The following DNAAF4 variants were observed in gnomAD, a reference collection of about 807,000 sequenced individuals.
The protein encoded by DNAAF4 is dynein axonemal assembly factor 4, also known as dynein assembly factor 4, axonemal.
DNAAF4 carries 43 observed loss-of-function variants against 51.8 expected under a neutral mutation model. The observed-to-expected ratio is 0.83, with a 90% CI of 0.65 to 1.07. DNAAF4 has a LOEUF of 1.07. DNAAF4 is among the 50% of genes least tolerant of loss of function. The pLI is 0.00. For missense variants in DNAAF4, 581 were observed against 493.0 expected, an observed-to-expected ratio of 1.18 and a Z score of -1.69; for synonymous variants, 194 against 165.6, an observed-to-expected ratio of 1.17 and a Z score of -1.32.
At chr15:55,435,081 G>C in intron 7 of DNAAF4, 23 bp from the exon 8 acceptor site, 4 of 1,562,544 alleles carry the variant, frequency 2.6e-6, no homozygotes, top group Non-Finnish European at 3.4e-6. Context: ...AAACAGAGAA[G>C]AAAAACAATT....
At chr15:55,503,922 C>G (rs2058712897) in intron 1 of DNAAF4, among the ~76,000 whole-genome samples, 3 of 152,176 alleles carry the variant, frequency 2.0e-5, no homozygotes, top group East Asian at 3.9e-4. Flanking sequence ...AAGTTCTGGC[C>G]AGGGCAATCA....
At chr15:55,457,207 C>T (rs907792551) in intron 5 of DNAAF4, among the ~76,000 whole-genome samples, 1 of 152,114 alleles carries the variant, frequency 6.6e-6, no homozygotes, top group Non-Finnish European at 1.5e-5. Context: ...AAACGCAGTG[C>T]GGTTGGGGTG....
At chr15:55,484,565 T>A (rs1173574864) in intron 4 of DNAAF4, among the ~76,000 whole-genome samples, 1 of 152,068 alleles carries the variant, frequency 6.6e-6, no homozygotes, top group Non-Finnish European at 1.5e-5. Context: ...CCAAAACAAT[T>A]GAAAGCAAGA....
chr15:55,422,582 G>C (rs1355224178), intron 7 of DNAAF4, among the ~76,000 whole-genome samples: 1 of 152,170 alleles, frequency 6.6e-6, no homozygotes, highest in Admixed American at 6.5e-5. Context: ...TGGAAGCCCA[G>C]CTTGTTTCAA....
At chr15:55,442,307 C>A (rs892071778) in intron 6 of DNAAF4, among the ~76,000 whole-genome samples, 1 of 152,072 alleles carries the variant, frequency 6.6e-6, no homozygotes, top group East Asian at 1.9e-4. Context: ...TTAGTAGAGA[C>A]GGGGTTTCAT....
At chr15:55,437,527 C>T (rs947988229) in intron 7 of DNAAF4, among the ~76,000 whole-genome samples, 2 of 151,506 alleles carry the variant, frequency 1.3e-5, no homozygotes, top group Non-Finnish European at 2.9e-5. Context: ...AAAAGATGTC[C>T]ATATTCTAAT....
intron 5 of DNAAF4, among the ~76,000 whole-genome samples, chr15:55,455,497 T>C (rs557438100): frequency 5.9e-5 from 9 of 151,610 alleles, no homozygotes; most frequent in Non-Finnish European, 1.3e-4. Context: ...AGTGGCGCGA[T>C]CTTGGCTCAC....
intron 9 of DNAAF4, 37 bp downstream of exon 9, chr15:55,432,460 T>C: frequency 2.0e-6 from 3 of 1,533,856 alleles, no homozygotes; most frequent in Non-Finnish European, 2.7e-6. Flanking sequence ...TTTCAGAGTA[T>C]AACTTGGGAC....
At chr15:55,454,725 G>C (rs1021540204) in intron 5 of DNAAF4, among the ~76,000 whole-genome samples, 2 of 152,088 alleles carry the variant, frequency 1.3e-5, no homozygotes, top group Admixed American at 1.3e-4. Flanking sequence ...GAAATTCCCA[G>C]AATTGATGAA....
intron 1 of DNAAF4, among the ~76,000 whole-genome samples, chr15:55,502,490 T>C (rs112634370): frequency 6.6e-6 from 1 of 152,328 alleles, no homozygotes; most frequent in African/African-American, 2.4e-5. Flanking sequence ...CCATTCTTCA[T>C]GTCCTTAAGA....
intron 4 of DNAAF4, among the ~76,000 whole-genome samples, chr15:55,487,383 C>A (rs912409301): frequency 6.6e-6 from 1 of 151,918 alleles, no homozygotes; most frequent in Non-Finnish European, 1.5e-5. Context: ...CCAATCAGCA[C>A]TCTGTAAAAT....
intron 5 of DNAAF4, among the ~76,000 whole-genome samples, chr15:55,458,492 G>C (rs2058051216): frequency 6.6e-6 from 1 of 151,702 alleles, no homozygotes; most frequent in African/African-American, 2.4e-5. Flanking sequence ...CAAAGACAAA[G>C]AAAAAAAGAA....
chr15:55,427,879 C>T (rs1309413681), downstream of DNAAF4, among the ~76,000 whole-genome samples: 2 of 151,836 alleles, frequency 1.3e-5, no homozygotes, highest in Non-Finnish European at 2.9e-5. Flanking sequence ...AGGTGATCCA[C>T]CCGCCTCGGC....
intron 4 of DNAAF4, among the ~76,000 whole-genome samples, chr15:55,475,687 T>C (rs1460507135): frequency 1.3e-5 from 2 of 152,220 alleles, no homozygotes; most frequent in African/African-American, 4.8e-5. Flanking sequence ...TTTCAGATTT[T>C]GTATTTTTTG....
intron 4 of DNAAF4, among the ~76,000 whole-genome samples, chr15:55,473,299 A>ATATATATATG (rs1567023519): frequency 8.1e-5 from 5 of 61,570 alleles, no homozygotes; most frequent in African/African-American, 2.7e-4. Context: ...ATATATGTGT[A>ATATATATATG]TATATATGTG....
rs996681944 is a variant in DNAAF4, at chr15:55,473,788, C to T, written c.406-6627G>A. On this transcript the variant is annotated intron_variant, in intron 4 of 9. Coordinates refer to ENST00000321149, the MANE Select transcript of DNAAF4 (RefSeq NM_130810.4). ...GGTGGATCACCTGAGGTCAGGAGTT[C>T]GAGACCAGCCTGGCCAACATGGCAA... is the stretch of plus-strand genomic sequence containing the variant. 1.3e-5 allele frequency among the ~76,000 whole-genome samples: 2 copies of T among 151,788 alleles called. 1 individual carries two copies. Among genetic ancestry groups the T allele is most frequent in the South Asian group, 4.2e-4 (2 of 4,798 alleles).
intron 4 of DNAAF4, among the ~76,000 whole-genome samples, chr15:55,485,403 G>A (rs1358364645): frequency 6.6e-6 from 1 of 152,152 alleles, no homozygotes; most frequent in East Asian, 1.9e-4. Flanking sequence ...GATAAACAGG[G>A]CATGTGTATT....
At chr15:55,488,490 T>C (rs2058523961) in intron 4 of DNAAF4, among the ~76,000 whole-genome samples, 1 of 152,200 alleles carries the variant, frequency 6.6e-6, no homozygotes, top group Non-Finnish European at 1.5e-5. Context: ...GAAAATAGCT[T>C]CAGCTAATTC....
intron 4 of DNAAF4, among the ~76,000 whole-genome samples, chr15:55,473,034 C>T (rs1041080610): frequency 3.3e-5 from 5 of 151,088 alleles, no homozygotes; most frequent in East Asian, 2.0e-4. Flanking sequence ...GGTGTGGTAG[C>T]GCACACCTGT....
Sources: allele counts gnomAD v4.1 joint callset (sites outside exome capture counted in the v4.1 genomes callset), GRCh38; gene constraint gnomAD v4.1.1; transcripts MANE v1.5; gene names NCBI Gene and HGNC (gene_info 2026-07-23, HGNC 2026-07-21).